The following BEND6 variants were observed in gnomAD, a reference collection of about 807,000 sequenced individuals.
The protein encoded by BEND6 is BEN domain-containing protein 6.
In BEND6, 24 loss-of-function variants were observed where a neutral mutation model predicts 31.8. That is an observed-to-expected ratio of 0.75 (90% CI 0.55 to 1.06). The LOEUF is 1.06. BEND6 is among the 50% of genes least tolerant of loss of function. BEND6 has a pLI of 0.00. For missense variants in BEND6, 294 were observed against 327.4 expected (o/e 0.90, Z 0.79); for synonymous variants, 109 against 114.6 (o/e 0.95, Z 0.31).
intron 3 of BEND6, chr6:57,004,519 C>T (rs1352847707): frequency 1.4e-6 from 1 of 723,798 alleles, no homozygotes; most frequent in African/African-American, 1.7e-5. Flanking sequence ...TCCGTGTAGC[C>T]ACCGCCACCG....
chr6:57,019,296 T>A (rs1044181622), intron 6 of BEND6, among the ~76,000 whole-genome samples: 1 of 152,206 alleles, frequency 6.6e-6, no homozygotes, highest in Non-Finnish European at 1.5e-5. Flanking sequence ...TCACTTTTAC[T>A]TACCCCTCCT....
chr6:57,016,840 T>C (rs1469903114), intron 4 of BEND6, among the ~76,000 whole-genome samples: 1 of 152,190 alleles, frequency 6.6e-6, no homozygotes, highest in Non-Finnish European at 1.5e-5. Flanking sequence ...GTGTTATAGG[T>C]TTCAGGGATT....
In BEND6 at chr6:57,026,575, A is replaced by C. The variant is rs1220947599; in HGVS notation, c.*503A>C. The C allele has an allele frequency of 6.6e-6, 1 of 152,244 alleles. No homozygotes were observed. Among genetic ancestry groups the C allele is most frequent in the Non-Finnish European group, 1.5e-5 (1 of 68,038 alleles). 9.4% of individuals were successfully genotyped at this position (152,244 alleles called of 1,614,324 possible). On this transcript the variant is annotated 3_prime_UTR_variant, in exon 7 of 7. Coordinates refer to ENST00000370746, the MANE Select transcript of BEND6 (RefSeq NM_152731.3). The stretch of plus-strand genomic sequence containing the variant: ...AATAATTAATGTTGGCAAATATGAG[A>C]ACAACAAAGTCAGCCCAAAATCTGA...
chr6:56,981,036 A>C (rs1287213367), intron 1 of BEND6, among the ~76,000 whole-genome samples: 1 of 151,646 alleles, frequency 6.6e-6, no homozygotes, highest in African/African-American at 2.4e-5. Flanking sequence ...CTGGTCTTGA[A>C]CTCCTGGGAT....
chr6:56,977,595 A>G (rs1024021184), intron 1 of BEND6, among the ~76,000 whole-genome samples: 2 of 152,214 alleles, frequency 1.3e-5, no homozygotes, highest in Admixed American at 6.5e-5. Flanking sequence ...TAGTTGAACC[A>G]TTATGTGTAT....
chr6:56,985,816 C>G (rs1826246781), intron 2 of BEND6, among the ~76,000 whole-genome samples: 1 of 152,176 alleles, frequency 6.6e-6, no homozygotes, highest in Non-Finnish European at 1.5e-5. Flanking sequence ...ATTTCCTGTT[C>G]TGTCAATTCT....
At chr6:57,017,168 C>T in intron 4 of BEND6, 39 bp from the exon 5 acceptor site, 1 of 1,511,972 alleles carries the variant, frequency 6.6e-7, no homozygotes. Context: ...CCATACAGCA[C>T]TTTCTTTTTC....
intron 6 of BEND6, among the ~76,000 whole-genome samples, chr6:57,024,011 C>T (rs940793352): frequency 9.9e-5 from 15 of 152,114 alleles, no homozygotes; most frequent in Admixed American, 9.8e-4. Flanking sequence ...TAAAAATATA[C>T]ACATAAGAAG....
chr6:56,985,596 T>C (rs1210309259), intron 2 of BEND6, among the ~76,000 whole-genome samples: 1 of 152,160 alleles, frequency 6.6e-6, no homozygotes, highest in East Asian at 1.9e-4. Flanking sequence ...TCATATCCTA[T>C]TGGAGGGAAC....
chr6:56,977,818 A>T (rs1418507351), intron 1 of BEND6, among the ~76,000 whole-genome samples: 1 of 152,182 alleles, frequency 6.6e-6, no homozygotes, highest in Non-Finnish European at 1.5e-5. Context: ...TTAGCTGGGC[A>T]TAGTGGCACA....
At chr6:57,013,336 A>T (rs114163659) in intron 3 of BEND6, among the ~76,000 whole-genome samples, 4 of 152,334 alleles carry the variant, frequency 2.6e-5, no homozygotes, top group Non-Finnish European at 5.9e-5. Flanking sequence ...GTTTCCACAT[A>T]CGTGAGGCTT....
chr6:56,968,365 G>A (rs9349842), intron 1 of BEND6, among the ~76,000 whole-genome samples: 11,816 of 136,588 alleles, frequency 0.087, 650 homozygotes, highest in East Asian at 0.19. Flanking sequence ...CTGTCACCCA[G>A]GCTGGAGTGC....
chr6:56,990,587 C>G (rs918519351), intron 2 of BEND6, among the ~76,000 whole-genome samples: 4 of 152,034 alleles, frequency 2.6e-5, no homozygotes, highest in African/African-American at 9.7e-5. Flanking sequence ...ATTGTCTAAC[C>G]CTGAACCAGC....
rs199740027 is a variant in BEND6 at position 56,978,326 on chromosome 6, G to GT, written c.-100-3377dup. 4.1e-3 allele frequency among the ~76,000 whole-genome samples: 614 copies of GT among 151,486 alleles called. 3 individuals are homozygous for GT. The highest frequency in any genetic ancestry group is 0.031 in the East Asian group (162 of 5,150). On this transcript the variant is annotated intron_variant, in intron 1 of 6. Coordinates refer to ENST00000370746, the MANE Select transcript of BEND6 (RefSeq NM_152731.3). The stretch of plus-strand genomic sequence containing the variant: ...TAAAATATACAATTAAATGTGGAGG[G>GT]TTTTTTTTGTATACTCACAGTATTT...
intron 1 of BEND6, among the ~76,000 whole-genome samples, chr6:56,971,629 A>G (rs1825691925): frequency 6.6e-6 from 1 of 152,094 alleles, no homozygotes; most frequent in South Asian, 2.1e-4. Context: ...CCTTACCAAT[A>G]CTTATGATTT....
In BEND6 at chr6:57,026,397, G is replaced by C. The variant is rs969113458; in HGVS notation, c.*325G>C. 6.6e-6 allele frequency: 1 copy of C among 152,164 alleles called. No individual in the cohort carries two copies. Among genetic ancestry groups the C allele is most frequent in the African/African-American group, 2.4e-5 (1 of 41,426 alleles). 9.4% of individuals were successfully genotyped at this position (152,164 alleles called of 1,614,324 possible). The stretch of plus-strand genomic sequence containing the variant: ...CCCCTCTGTACAGTTAATCTAACAG[G>C]ATAGTCAGAGCTCTTATCATAGCAG... On this transcript the variant is annotated 3_prime_UTR_variant, in exon 7 of 7. Coordinates refer to ENST00000370746, the MANE Select transcript of BEND6 (RefSeq NM_152731.3).
chr6:56,990,249 CTTTTTTTTTTTT>C (rs943959318), intron 2 of BEND6, among the ~76,000 whole-genome samples: 1 of 110,172 alleles, frequency 9.1e-6, no homozygotes, highest in South Asian at 3.2e-4. Flanking sequence ...CCACTCGCTT[CTTTTTTTTTTTT>C]TTTTTTTTGG....
At chr6:56,959,531 G>C (rs1361586407) in intron 1 of BEND6, among the ~76,000 whole-genome samples, 1 of 152,172 alleles carries the variant, frequency 6.6e-6, no homozygotes, top group Non-Finnish European at 1.5e-5. Context: ...GCTTCTAGGT[G>C]AAGTGTTTTA....
chr6:56,968,336 T>C (rs1280528896), intron 1 of BEND6, among the ~76,000 whole-genome samples: 3 of 135,314 alleles, frequency 2.2e-5, no homozygotes, highest in African/African-American at 8.0e-5. Flanking sequence ...TTTTTTTTTT[T>C]TTGAGACAGG....
Sources: gnomAD v4.1 joint callset for allele counts (sites outside exome capture counted in the v4.1 genomes callset) on GRCh38, gnomAD v4.1.1 for gene constraint, MANE v1.5 for transcripts, NCBI Gene and HGNC (gene_info 2026-07-23, HGNC 2026-07-21) for gene names.